THEM4: variants seen among roughly 807,000 people sequenced by gnomAD.
THEM4 encodes thioesterase superfamily member 4.
THEM4 carries 22 observed loss-of-function variants against 25.0 expected under a neutral mutation model. The observed-to-expected ratio is 0.88, with a 90% CI of 0.63 to 1.26. THEM4 has a LOEUF of 1.26. THEM4 is among the 50% of genes most tolerant of loss of function. The pLI, the probability that THEM4 is intolerant of heterozygous loss-of-function variation, is 0.00. For missense variants in THEM4, 286 were observed against 300.3 expected, an observed-to-expected ratio of 0.95 and a Z score of 0.35; for synonymous variants, 113 against 105.6, an observed-to-expected ratio of 1.07 and a Z score of -0.43.
chr1:151,875,660 T>C (rs1199404056), intron 5 of THEM4, among the ~76,000 whole-genome samples: 2 of 151,936 alleles, frequency 1.3e-5, no homozygotes, highest in African/African-American at 2.4e-5. Context: ...AATAAACATA[T>C]GAAGAGACAC....
intron 1 of THEM4, among the ~76,000 whole-genome samples, chr1:151,895,691 A>AC (rs1388646561): frequency 6.6e-6 from 1 of 151,496 alleles, no homozygotes; most frequent in African/African-American, 2.4e-5. Context: ...GGAAAAAAAA[A>AC]AAAAACACTG....
chr1:151,894,837 T>G, intron 2 of THEM4, 171 bp downstream of exon 2: 1 of 723,992 alleles, frequency 1.4e-6, no homozygotes, highest in South Asian at 1.7e-5. Flanking sequence ...GGCTTTATGC[T>G]CTCCAATCTG....
intron 2 of THEM4, among the ~76,000 whole-genome samples, chr1:151,893,377 C>CAAAAAAAA (rs776463445): frequency 7.6e-6 from 1 of 131,130 alleles, no homozygotes. Context: ...TTCTCAAAAC[C>CAAAAAAAA]AAAAACAAAA....
rs1383445376 is a variant in THEM4, at chr1:151,889,351, T to C, written c.309A>G (p.Glu103=). The C allele has an allele frequency of 6.2e-7, 1 of 1,613,970 alleles. No individual in the cohort carries two copies. ...HFLDPKLMKE[E]QMSQAQLFTR... is the part of the protein sequence containing the mutation. ...TGAAGAGCTGGGCCTGTGACATTTGTTCTTCTTTCATAAGCTTTGGGTCTA... is the reference window on the plus strand; with the variant it reads ...TGAAGAGCTGGGCCTGTGACATTTGCTCTTCTTTCATAAGCTTTGGGTCTA... Residue 103 remains glutamate (E), a synonymous_variant, in exon 3 of 6, where the codon GAA becomes GAG. Transcript: ENST00000368814.
intron 2 of THEM4, among the ~76,000 whole-genome samples, chr1:151,891,717 T>C (rs1335254747): frequency 6.6e-6 from 1 of 152,046 alleles, no homozygotes; most frequent in Non-Finnish European, 1.5e-5. Context: ...TTCATGGCAG[T>C]GTGTGGCTGG....
At chr1:151,890,197 G>GC in intron 2 of THEM4, 1 of 457,460 alleles carries the variant, frequency 2.2e-6, no homozygotes, top group South Asian at 1.5e-5. Flanking sequence ...GAGCCACAGC[G>GC]CCCGGCCATT....
intron 4 of THEM4, among the ~76,000 whole-genome samples, chr1:151,886,684 A>C (rs1223785573): frequency 6.6e-6 from 1 of 152,202 alleles, no homozygotes; most frequent in Non-Finnish European, 1.5e-5. Context: ...AATTGTTAAA[A>C]GGAGGTACAA....
chr1:151,892,680 C>A (rs930273476), intron 2 of THEM4, among the ~76,000 whole-genome samples: 5 of 152,180 alleles, frequency 3.3e-5, no homozygotes, highest in Admixed American at 2.6e-4. Flanking sequence ...AACTGAGGCA[C>A]AGAAAGGTAA....
chr1:151,896,990 C>T (rs1654239329), intron 1 of THEM4, among the ~76,000 whole-genome samples: 1 of 152,178 alleles, frequency 6.6e-6, no homozygotes, highest in African/African-American at 2.4e-5. Context: ...AACTTCCATC[C>T]ATCTATTTCT....
intron 1 of THEM4, among the ~76,000 whole-genome samples, chr1:151,900,564 A>G (rs1654329542): frequency 6.6e-6 from 1 of 152,226 alleles, no homozygotes; most frequent in African/African-American, 2.4e-5. Context: ...CTTTAAAGCA[A>G]CAGCAGTCAA....
At chr1:151,875,157 G>A (rs938674025) in intron 5 of THEM4, among the ~76,000 whole-genome samples, 1 of 152,168 alleles carries the variant, frequency 6.6e-6, no homozygotes, top group African/African-American at 2.4e-5. Context: ...CCATTTCATG[G>A]TTCCTCACTA....
chr1:151,894,620 G>T (rs997799257), intron 2 of THEM4, among the ~76,000 whole-genome samples: 3 of 152,144 alleles, frequency 2.0e-5, no homozygotes, highest in Non-Finnish European at 4.4e-5. Context: ...TTAGATACTG[G>T]GAGATGTGGG....
chr1:151,907,147 G>A (rs1023084571), intron 1 of THEM4, among the ~76,000 whole-genome samples: 2 of 151,846 alleles, frequency 1.3e-5, no homozygotes, highest in South Asian at 2.1e-4. Context: ...CGGGAGGAAC[G>A]AACAACTCCA....
chr1:151,903,631 C>G (rs1322790553), intron 1 of THEM4, among the ~76,000 whole-genome samples: 1 of 152,122 alleles, frequency 6.6e-6, no homozygotes, highest in Non-Finnish European at 1.5e-5. Flanking sequence ...TAGAAGTAAC[C>G]CAACAAGACA....
chr1:151,876,378 T>G (rs1274609620), intron 5 of THEM4, among the ~76,000 whole-genome samples: 1 of 152,140 alleles, frequency 6.6e-6, no homozygotes, highest in Admixed American at 6.5e-5. Flanking sequence ...TCTAACACAT[T>G]ATAATTTTGC....
At position 151,909,510 on chromosome 1, in the gene THEM4, C is replaced by T. The variant is rs993911246; in HGVS notation, c.-52G>A. The T allele has an allele frequency of 2.3e-4, 302 of 1,312,668 alleles. 1 individual carries two copies. The highest frequency in any genetic ancestry group is 2.7e-4 in the Non-Finnish European group (276 of 1,026,276). The allele number at this position is 1,312,668 out of a possible 1,614,324, so 81.3% of individuals were successfully genotyped here. On this transcript the variant is annotated 5_prime_UTR_variant, in exon 1 of 6. Transcript: ENST00000368814. The stretch of plus-strand genomic sequence containing the variant: ...CTCTAGCCCTGGACGGCGCACTCTA[C>T]CTCCGCCACAAGAGCGCGCGTGCGA...
intron 1 of THEM4, among the ~76,000 whole-genome samples, chr1:151,907,295 C>T (rs1396893535): frequency 6.6e-6 from 1 of 152,174 alleles, no homozygotes; most frequent in Non-Finnish European, 1.5e-5. Context: ...GCCGGACATG[C>T]CGCCTTTAAG....
intron 4 of THEM4, among the ~76,000 whole-genome samples, chr1:151,878,046 C>T (rs891667438): frequency 6.6e-6 from 1 of 152,128 alleles, no homozygotes; most frequent in African/African-American, 2.4e-5. Flanking sequence ...TTAGCTTTTC[C>T]TTTGCTCTTT....
chr1:151,884,687 G>GTTTTTTT (rs11371460), intron 4 of THEM4, among the ~76,000 whole-genome samples: 10 of 146,498 alleles, frequency 6.8e-5, no homozygotes, highest in Non-Finnish European at 6.0e-5. Flanking sequence ...CCTTTTTTTT[G>GTTTTTTT]TTTTTTTTTT....
Sources: gnomAD v4.1 joint callset for allele counts (sites outside exome capture counted in the v4.1 genomes callset) on GRCh38, gnomAD v4.1.1 for gene constraint, MANE v1.5 for transcripts, NCBI Gene and HGNC (gene_info 2026-07-23, HGNC 2026-07-21) for gene names.